GREB1: variants seen among roughly 807,000 people sequenced by gnomAD.
GREB1 encodes the protein growth regulating estrogen receptor binding 1, also known as protein GREB1.
In GREB1, 106 loss-of-function variants were observed where a neutral mutation model predicts 200.7. The observed-to-expected ratio is 0.53, with a 90% CI of 0.45 to 0.62. The LOEUF (loss-of-function observed/expected upper bound fraction) is 0.62, where lower values mean the gene tolerates loss of function less well. Ranked by LOEUF, GREB1 falls within the 20% of genes least tolerant of loss-of-function variation. The pLI, the probability that GREB1 is intolerant of heterozygous loss-of-function variation, is 0.00. For synonymous variants in GREB1, 1,132 were observed against 1,092.4 expected, an observed-to-expected ratio of 1.04 and a Z score of -0.72; for missense variants, 2,243 against 2,556.8, an observed-to-expected ratio of 0.88 and a Z score of 2.65.
chr2:11,599,396 G>A (rs915856790), intron 15 of GREB1, among the ~76,000 whole-genome samples: 2 of 150,156 alleles, frequency 1.3e-5, no homozygotes, highest in African/African-American at 4.9e-5. Context: ...CTGGAGTGCA[G>A]TGGTGCGATC....
intron 1 of GREB1, among the ~76,000 whole-genome samples, chr2:11,537,077 C>T (rs962302397): frequency 1.3e-5 from 2 of 152,098 alleles, no homozygotes; most frequent in Admixed American, 6.5e-5. Flanking sequence ...ATTCTCCTGC[C>T]TCATCCTCCC....
At chr2:11,503,546 C>T (rs975582984) in intron 1 of GREB1, among the ~76,000 whole-genome samples, 6 of 152,122 alleles carry the variant, frequency 3.9e-5, no homozygotes, top group African/African-American at 1.2e-4. Flanking sequence ...TGCTAGGTTA[C>T]GTGGTATGTG....
intron 7 of GREB1, among the ~76,000 whole-genome samples, chr2:11,582,444 T>C (rs762427662): frequency 1.9e-4 from 29 of 152,270 alleles, no homozygotes; most frequent in Non-Finnish European, 3.2e-4. Flanking sequence ...CATCCTCCTG[T>C]CTCCATGCTC....
chr2:11,613,692 C>T (rs914649026), intron 19 of GREB1, among the ~76,000 whole-genome samples: 7 of 152,318 alleles, frequency 4.6e-5, no homozygotes, highest in African/African-American at 1.7e-4. Context: ...AGGACTGAGA[C>T]AATGTCTTAA....
rs1680274690 is a variant in GREB1 at position 11,587,694 on chromosome 2, A to ACAC, written c.1160-1052_1160-1051insCAC. The ACAC allele has an allele frequency of 4.9e-4, 345 of 707,146 alleles. 8 individuals are homozygous for ACAC. The African/African-American group carries it at 8.4e-3, about 17-fold the overall frequency. The allele number at this position is 707,146 out of a possible 1,614,324, so 43.8% of individuals were successfully genotyped here. A position where few individuals can be genotyped will look rare whatever the true frequency, so the allele number is the denominator to read the frequency against. On this transcript the variant is annotated intron_variant, in intron 9 of 32. Coordinates refer to ENST00000381486, the MANE Select transcript of GREB1 (RefSeq NM_014668.4). ...AAATGGAGTACCTGGAGTACAAGAT[A>ACAC]ACACACACACACACACACACACACA...
intron 1 of GREB1, among the ~76,000 whole-genome samples, chr2:11,505,740 G>T (rs1673167602): frequency 6.6e-6 from 1 of 152,020 alleles, no homozygotes; most frequent in Admixed American, 6.6e-5. Flanking sequence ...CCAACTACTG[G>T]GGAGGCTGAG....
intron 19 of GREB1, 149 bp from the exon 20 acceptor site, chr2:11,614,942 T>C: frequency 1.6e-6 from 1 of 644,090 alleles, no homozygotes; most frequent in African/African-American, 1.8e-5. Flanking sequence ...AAGCTCCCAG[T>C]AACACTGTTG....
At chr2:11,623,725 T>G (rs892673870) in intron 23 of GREB1, among the ~76,000 whole-genome samples, 1 of 152,192 alleles carries the variant, frequency 6.6e-6, no homozygotes, top group Admixed American at 6.5e-5. Flanking sequence ...ACCTCGTCTC[T>G]ACTAAAAGTA....
At chr2:11,488,493 A>G (rs1437963460) in intron 1 of GREB1, among the ~76,000 whole-genome samples, 2 of 152,192 alleles carry the variant, frequency 1.3e-5, no homozygotes, top group African/African-American at 4.8e-5. Flanking sequence ...AGTGATTCAT[A>G]AAGATTTGGG....
rs558412924 is a variant in GREB1 at position 11,621,437 on chromosome 2, G to A, written c.4147+430G>A. Among the ~76,000 whole-genome samples, 74 of 152,312 alleles carry A rather than the reference G, an allele frequency of 4.9e-4. 2 individuals are homozygous for A. In the South Asian group the frequency reaches 0.012, roughly 26 times the overall value. ...CCCCTCAGGAGAGGTTTCCTGCTCA[G>A]GCAGCTGAGCAGGGAGGTCAGTGTC... is the stretch of plus-strand genomic sequence containing the variant. On this transcript the variant is annotated intron_variant, in intron 23 of 32. Transcript: ENST00000381486.
chr2:11,604,757 T>G (rs1363739355), intron 17 of GREB1, among the ~76,000 whole-genome samples: 2 of 152,194 alleles, frequency 1.3e-5, no homozygotes, highest in Non-Finnish European at 2.9e-5. Context: ...CTGCCTTTAC[T>G]AGGAATCATT....
At chr2:11,501,639 C>T (rs1425542999) in intron 1 of GREB1, among the ~76,000 whole-genome samples, 9 of 151,978 alleles carry the variant, frequency 5.9e-5, no homozygotes, top group Non-Finnish European at 1.3e-4. Flanking sequence ...GGTGATACAC[C>T]TGCCTTGGCC....
rs367722547 is a variant in GREB1, at chr2:11,633,019, G to A, written c.4947G>A (p.Val1649=). 10 of 1,614,240 alleles carry A rather than the reference G, an allele frequency of 6.2e-6. No individual in the cohort carries two copies. Among genetic ancestry groups the A allele is most frequent in the Middle Eastern group, 1.7e-4 (1 of 6,060 alleles). ...PFIVISDDSC[V]MWNVVDVNSA... is the part of the protein sequence containing the mutation. ...TTGTGATCTCTGATGACTCCTGCGT[G>A]ATGTGGAACGTGGTGGATGTCAACT... The change falls in exon 28 of 33, where the codon GTG becomes GTA. Residue 1649 remains valine (V), a synonymous_variant. Coordinates refer to ENST00000381486, the MANE Select transcript of GREB1 (RefSeq NM_014668.4). This position sits in a 1 kb window ranked among gnomAD's most constrained non-coding sequence, Gnocchi z 4.1.
intron 19 of GREB1, among the ~76,000 whole-genome samples, chr2:11,614,314 A>G (rs568672866): frequency 1.3e-5 from 2 of 151,732 alleles, no homozygotes; most frequent in South Asian, 4.2e-4. Context: ...TTTAGTAGAG[A>G]TGGGGTTTTG....
intron 1 of GREB1, among the ~76,000 whole-genome samples, chr2:11,500,452 C>A (rs1408222847): frequency 7.6e-6 from 1 of 131,786 alleles, no homozygotes; most frequent in Non-Finnish European, 1.6e-5. Flanking sequence ...AGCCACTGTG[C>A]CTGGCCATTT....
intron 1 of GREB1, among the ~76,000 whole-genome samples, chr2:11,505,899 C>G (rs1673171186): frequency 6.6e-6 from 1 of 152,038 alleles, no homozygotes; most frequent in Non-Finnish European, 1.5e-5. Flanking sequence ...GGAAGTAAAG[C>G]AGTAGTAAGG....
At chr2:11,569,831 AGAG>A (rs1324864274) in intron 4 of GREB1, among the ~76,000 whole-genome samples, 2 of 152,006 alleles carry the variant, frequency 1.3e-5, no homozygotes, top group East Asian at 3.9e-4. Context: ...GGCACACTGG[AGAG>A]GTGGCGAGAG....
At position 11,599,328 on chromosome 2, in the gene GREB1, CCTT is replaced by C. The variant is rs1219902003; in HGVS notation, c.2333+472_2333+474del. ...ACCGTGGGTCACCACTGATGCCTGC[CCTT>C]CTTTTTTTTTTTTTTTTCCTTTTTT... On this transcript the variant is annotated intron_variant, in intron 15 of 32. Coordinates refer to ENST00000381486, the MANE Select transcript of GREB1 (RefSeq NM_014668.4). Among the ~76,000 whole-genome samples the C allele has an allele frequency of 3.9e-3, 593 of 151,054 alleles. 3 individuals are homozygous for C. The highest frequency in any genetic ancestry group is 0.027 in the South Asian group (130 of 4,798).
In GREB1 at chr2:11,640,764, G is replaced by A; in HGVS notation, c.*310G>A. On this transcript the variant is annotated 3_prime_UTR_variant, in exon 33 of 33. Coordinates refer to ENST00000381486, the MANE Select transcript of GREB1 (RefSeq NM_014668.4). The surrounding 1 kb of genome is among the most constrained non-coding windows in gnomAD (Gnocchi z 4.6). ...TGTCCTGCCATTCGTGTGCTTCCAT[G>A]GACAAACCTGATTTTTTTCTCTTAG... is the stretch of plus-strand genomic sequence containing the variant. 3.3e-6 allele frequency: 1 copy of A among 302,394 alleles called. No individual in the cohort carries two copies. The allele number at this position is 302,394 out of a possible 1,614,324, so 18.7% of individuals were successfully genotyped here.
Sources: gnomAD v4.1 joint callset for allele counts (sites outside exome capture counted in the v4.1 genomes callset) on GRCh38, gnomAD v4.1.1 for gene constraint, Gnocchi (gnomAD v3.1) non-coding constraint, MANE v1.5 for transcripts, NCBI Gene and HGNC (gene_info 2026-07-23, HGNC 2026-07-21) for gene names.